Variants in SPAG9 observed in about 807,000 individuals in gnomAD.
SPAG9 encodes the protein C-Jun-amino-terminal kinase-interacting protein 4.
In SPAG9, 35 loss-of-function variants were observed where a neutral mutation model predicts 166.5. The observed-to-expected ratio is 0.21, with a 90% CI of 0.16 to 0.28. The LOEUF is 0.28. Ranked by LOEUF, SPAG9 falls within the 10% of genes least tolerant of loss-of-function variation. The probability of loss-of-function intolerance (pLI) is 1.00; values close to 1 mark genes in which losing one functional copy is unlikely to be tolerated. For synonymous variants in SPAG9, 534 were observed against 565.5 expected, an observed-to-expected ratio of 0.94 and a Z score of 0.79; for missense variants, 1,235 against 1,603.3, an observed-to-expected ratio of 0.77 and a Z score of 3.92.
intron 2 of SPAG9, 84 bp downstream of exon 2, chr17:51,079,500 A>G: frequency 7.4e-7 from 1 of 1,359,872 alleles, no homozygotes. Flanking sequence ...CGGCCTCCCA[A>G]AGTGCTGGGA....
chr17:50,991,921 G>A (rs1975584773), intron 19 of SPAG9, among the ~76,000 whole-genome samples: 1 of 113,830 alleles, frequency 8.8e-6, no homozygotes, highest in African/African-American at 3.1e-5. Flanking sequence ...ACCATGCCAG[G>A]TCTTTTTTTT....
In SPAG9 at chr17:51,120,635, C is replaced by G. The variant is rs776153923; in HGVS notation, c.22G>C (p.Val8Leu). 1 of 1,608,806 alleles carries G rather than the reference C, an allele frequency of 6.2e-7. No individual in the cohort carries two copies. The highest frequency in any genetic ancestry group is 8.5e-7 in the Non-Finnish European group (1 of 1,178,088). MELEDGV[V>L]YQEEPGGSGA... is the part of the protein sequence containing the mutation. ...GAGCCGCCGGGCTCCTCCTGATACA[C>G]CACACCGTCCTCCAGCTCCATGGTG... Residue 8 changes from valine (V) to leucine (L), a missense_variant, in exon 1 of 30, where the codon GTG (valine) becomes CTG (leucine). Val to Leu is a conservative substitution (Grantham distance 32). Around this residue, in one of 6 missense-constraint regions of SPAG9, gnomAD observed 83 missense variants for 149.8 expected, o/e 0.55. Coordinates refer to ENST00000262013, the MANE Select transcript of SPAG9 (RefSeq NM_001130528.3). This position sits in a 1 kb window ranked among gnomAD's most constrained non-coding sequence, Gnocchi z 4.7.
rs1973202249 is a variant in SPAG9 at position 50,963,180 on chromosome 17, T to A, written c.*3092A>T. 6.6e-6 allele frequency: 1 copy of A among 152,196 alleles called. No homozygotes were observed. The highest frequency in any genetic ancestry group is 2.4e-5 in the African/African-American group (1 of 41,438). 9.4% of individuals were successfully genotyped at this position (152,196 alleles called of 1,614,324 possible). The stretch of plus-strand genomic sequence containing the variant: ...TCAAGTGTAAAAAAAGGAGAAACCT[T>A]CAAGTATTCCTTATTTCTTCCAATA... On this transcript the variant is annotated 3_prime_UTR_variant, in exon 30 of 30. Transcript: ENST00000262013.
chr17:50,987,505 C>T (rs78931070), intron 21 of SPAG9, among the ~76,000 whole-genome samples: 3,804 of 150,954 alleles, frequency 0.025, 163 homozygotes, highest in East Asian at 0.19. Context: ...TCACACCTGG[C>T]TTCAACTTTT....
chr17:51,095,745 G>GAT (rs903026168), intron 1 of SPAG9, among the ~76,000 whole-genome samples: 2 of 145,926 alleles, frequency 1.4e-5, no homozygotes, highest in East Asian at 2.0e-4. Context: ...TACATATAGT[G>GAT]ATATATATAT....
chr17:50,989,132 GA>G (rs1386339318), intron 21 of SPAG9, among the ~76,000 whole-genome samples: 4 of 152,128 alleles, frequency 2.6e-5, no homozygotes, highest in Non-Finnish European at 5.9e-5. Flanking sequence ...AACCATTTTG[GA>G]AAATGATGGA....
intron 1 of SPAG9, among the ~76,000 whole-genome samples, chr17:51,089,641 T>C (rs868614884): frequency 1.2e-5 from 1 of 84,766 alleles, no homozygotes; most frequent in African/African-American, 6.1e-5. Flanking sequence ...TATATATATA[T>C]ATATATATAT....
intron 2 of SPAG9, among the ~76,000 whole-genome samples, chr17:51,061,312 C>T (rs2047508386): frequency 6.6e-6 from 1 of 152,098 alleles, no homozygotes; most frequent in African/African-American, 2.4e-5. Context: ...CAAATGTACA[C>T]CACTTAATAG....
Position 50,981,530 on chromosome 17 carries a change from A to AT in SPAG9, c.3237+993_3237+994insA, listed in dbSNP as rs201393579. Among the ~76,000 whole-genome samples the AT allele has an allele frequency of 4.3e-3, 642 of 148,956 alleles. 3 individuals carry two copies. The highest frequency in any genetic ancestry group is 7.1e-3 in the Non-Finnish European group (469 of 65,938). ...GATAGATAGATAGATAGATAGATAGAAAGAAAGAAAGAAAGAATAGATAGA... is the reference window on the plus strand; with the variant it reads ...GATAGATAGATAGATAGATAGATAGATAAGAAAGAAAGAAAGAATAGATAGA... On this transcript the variant is annotated intron_variant, in intron 25 of 29. Coordinates refer to ENST00000262013, the MANE Select transcript of SPAG9 (RefSeq NM_001130528.3).
intron 6 of SPAG9, among the ~76,000 whole-genome samples, chr17:51,024,713 C>CAAA (rs35903769): frequency 7.9e-6 from 1 of 126,820 alleles, no homozygotes. Flanking sequence ...GACTCTGTCT[C>CAAA]AAAAAAAAAA....
chr17:51,041,297 CT>C (rs966474416), intron 5 of SPAG9, among the ~76,000 whole-genome samples: 6 of 152,078 alleles, frequency 3.9e-5, no homozygotes, highest in East Asian at 1.9e-4. Context: ...TAATGCTTCA[CT>C]TTTTTTCCTA....
rs1030404512 is a variant in SPAG9 at position 51,002,582 on chromosome 17, C to A, written c.1477-737G>T. Reference sequence around the variant, plus strand: ...TACAATGCTTGAGCTTAGTTTGAGACCAGCCTGGGCAACATAGTAAAACCC... The same window carrying A: ...TACAATGCTTGAGCTTAGTTTGAGAACAGCCTGGGCAACATAGTAAAACCC... On this transcript the variant is annotated intron_variant, in intron 12 of 29. Coordinates refer to ENST00000262013, the MANE Select transcript of SPAG9 (RefSeq NM_001130528.3). Among the ~76,000 whole-genome samples the A allele has an allele frequency of 2.6e-5, 4 of 151,860 alleles. No individual in the cohort carries two copies. The East Asian group carries it at 7.8e-4, about 29-fold the overall frequency.
chr17:51,082,227 T>C (rs1363785722), intron 1 of SPAG9, among the ~76,000 whole-genome samples: 1 of 151,060 alleles, frequency 6.6e-6, no homozygotes, highest in Non-Finnish European at 1.5e-5. Context: ...ATACAAAAAT[T>C]AGCCAGGCAT....
At chr17:51,075,926 T>C (rs1039641455) in intron 2 of SPAG9, among the ~76,000 whole-genome samples, 1 of 151,630 alleles carries the variant, frequency 6.6e-6, no homozygotes, top group Non-Finnish European at 1.5e-5. Context: ...AAGCCCTGTC[T>C]CTACTAAAAA....
At chr17:50,994,978 G>A in intron 18 of SPAG9, 79 bp downstream of exon 18, 1 of 1,098,974 alleles carries the variant, frequency 9.1e-7, no homozygotes, top group South Asian at 1.7e-5. Flanking sequence ...TTAGAAGCTG[G>A]ACCCAGAGGC....
In SPAG9 at chr17:51,061,612, C is replaced by CAAAAAAA. The variant is rs34010166; in HGVS notation, c.425-5137_425-5131dup. On this transcript the variant is annotated intron_variant, in intron 2 of 29. Coordinates refer to ENST00000262013, the MANE Select transcript of SPAG9 (RefSeq NM_001130528.3). ...GCAACAAGAGCGAAAGCTCTGTCTCCAAAAAAAAAAAAAAAAAAAAAAAAA... is the reference window on the plus strand; with the variant it reads ...GCAACAAGAGCGAAAGCTCTGTCTCCAAAAAAAAAAAAAAAAAAAAAAAAAAAAAAAA... Among the ~76,000 whole-genome samples the CAAAAAAA allele has an allele frequency of 2.9e-3, 93 of 31,720 alleles. 6 individuals carry two copies. Among genetic ancestry groups the CAAAAAAA allele is most frequent in the African/African-American group, 4.3e-3 (41 of 9,614 alleles). 20.8% of individuals were successfully genotyped at this position (31,720 alleles called of 152,430 possible).
At chr17:51,030,317 C>G (rs551715944) in intron 6 of SPAG9, among the ~76,000 whole-genome samples, 2 of 152,216 alleles carry the variant, frequency 1.3e-5, no homozygotes, top group Admixed American at 1.3e-4. Context: ...AGTAGCCTAA[C>G]TTCTGAAATA....
intron 1 of SPAG9, among the ~76,000 whole-genome samples, chr17:51,095,979 A>C (rs2048622675): frequency 2.2e-5 from 1 of 44,914 alleles, no homozygotes; most frequent in Non-Finnish European, 5.2e-5. Context: ...ATAGTGATAT[A>C]TATATATATA....
intron 2 of SPAG9, among the ~76,000 whole-genome samples, chr17:51,077,029 T>TAG (rs2048008868): frequency 1.8e-4 from 12 of 65,338 alleles, no homozygotes; most frequent in African/African-American, 6.1e-4. Flanking sequence ...TATCTAGCTA[T>TAG]CTATCTAGCT....
Sources: allele counts gnomAD v4.1 joint callset (sites outside exome capture counted in the v4.1 genomes callset), GRCh38; gene constraint gnomAD v4.1.1; regional missense constraint gnomAD v4.1.1; non-coding constraint Gnocchi (gnomAD v3.1); transcripts MANE v1.5; gene names NCBI Gene and HGNC (gene_info 2026-07-23, HGNC 2026-07-21).